Variants in LRRC4C observed in about 807,000 individuals in gnomAD.
The protein encoded by LRRC4C is leucine rich repeat containing 4C, also known as leucine-rich repeat-containing protein 4C.
In LRRC4C, 5 loss-of-function variants were observed where a neutral mutation model predicts 33.6. The observed-to-expected ratio is 0.15, with a 90% CI of 0.08 to 0.31. The LOEUF is 0.31. Among genes scored for constraint, LRRC4C ranks in the 10% least tolerant of loss-of-function variants. LRRC4C has a pLI of 1.00. For missense variants in LRRC4C, 560 were observed against 796.7 expected (o/e 0.70, Z 3.58); for synonymous variants, 329 against 302.0 (o/e 1.09, Z -0.93).
chr11:40,341,712 A>G (rs1334075879), intron 3 of LRRC4C, among the ~76,000 whole-genome samples: 1 of 152,196 alleles, frequency 6.6e-6, no homozygotes, highest in Admixed American at 6.5e-5. Context: ...ATTGATATTA[A>G]TTTCTTTGTC....
intron 1 of LRRC4C, among the ~76,000 whole-genome samples, chr11:41,363,443 C>A (rs1952427478): frequency 6.6e-6 from 1 of 152,204 alleles, no homozygotes; most frequent in African/African-American, 2.4e-5. Flanking sequence ...TATCGCTAAT[C>A]TTCAATTCCA....
chr11:40,298,192 C>A (rs928093216), intron 4 of LRRC4C, among the ~76,000 whole-genome samples: 1 of 152,042 alleles, frequency 6.6e-6, no homozygotes, highest in Non-Finnish European at 1.5e-5. Flanking sequence ...AGAGAAGATG[C>A]CACCAAATAA....
chr11:41,103,797 C>A (rs1468116663), intron 1 of LRRC4C, among the ~76,000 whole-genome samples: 3 of 151,822 alleles, frequency 2.0e-5, no homozygotes, highest in Non-Finnish European at 2.9e-5. Flanking sequence ...AGATCCATGG[C>A]AAAAAATTAA....
rs181461406 is a variant in LRRC4C at position 41,078,227 on chromosome 11, G to T, written c.-495-144504C>A. On this transcript the variant is annotated intron_variant, in intron 1 of 6. Transcript: ENST00000528697. ...TCTGAGGCCTCCAAGTCTCTAGAAA[G>T]TTCTAAACTTTCTGACATTTTCTTG... Among the ~76,000 whole-genome samples, 16 of 152,272 alleles carry T rather than the reference G, an allele frequency of 1.1e-4. 1 individual carries two copies. The highest frequency in any genetic ancestry group is 9.2e-4 in the Admixed American group (14 of 15,294).
At chr11:41,140,928 T>C (rs923457626) in intron 1 of LRRC4C, among the ~76,000 whole-genome samples, 40 of 152,250 alleles carry the variant, frequency 2.6e-4, no homozygotes, top group African/African-American at 8.7e-4. Context: ...AGTTTTTCAT[T>C]TGCTGTCTTC....
At chr11:40,433,601 T>C (rs769995068) in intron 3 of LRRC4C, among the ~76,000 whole-genome samples, 8 of 152,172 alleles carry the variant, frequency 5.3e-5, no homozygotes, top group Non-Finnish European at 8.8e-5. Context: ...AGTGACAAGC[T>C]CCCTGACGAA....
chr11:40,364,663 A>G (rs1948127422), intron 3 of LRRC4C, among the ~76,000 whole-genome samples: 1 of 109,770 alleles, frequency 9.1e-6, no homozygotes, highest in Non-Finnish European at 2.0e-5. Flanking sequence ...ATGACCAAAG[A>G]TTTTCAAAAT....
In LRRC4C at chr11:41,034,831, C is replaced by T. The variant is rs75932753; in HGVS notation, c.-495-101108G>A. Among the ~76,000 whole-genome samples, 1,120 of 149,908 alleles carry T rather than the reference C, an allele frequency of 7.5e-3. 14 individuals are homozygous for T. The highest frequency in any genetic ancestry group is 0.026 in the African/African-American group (1,077 of 41,012). On this transcript the variant is annotated intron_variant, in intron 1 of 6. Transcript: ENST00000528697. ...AAATATTCTAATATTAATTACATTG[C>T]CTGAGAACAAGTATATCCAAAATTT...
chr11:41,418,139 A>G (rs1431581050), intron 1 of LRRC4C, among the ~76,000 whole-genome samples: 1 of 151,884 alleles, frequency 6.6e-6, no homozygotes, highest in Non-Finnish European at 1.5e-5. Context: ...AAAATGTAAT[A>G]CTGCCACTTT....
chr11:40,584,895 A>G (rs1310511041), intron 3 of LRRC4C, among the ~76,000 whole-genome samples: 1 of 151,272 alleles, frequency 6.6e-6, no homozygotes, highest in Non-Finnish European at 1.5e-5. Context: ...TCATGCCACC[A>G]CATTCCAAAT....
intron 1 of LRRC4C, among the ~76,000 whole-genome samples, chr11:41,424,822 A>G (rs1477322370): frequency 6.6e-6 from 1 of 152,110 alleles, no homozygotes; most frequent in African/African-American, 2.4e-5. Context: ...ATGCTTCCCC[A>G]AGGAATATAG....
At chr11:41,008,028 C>T (rs1383324188) in intron 1 of LRRC4C, among the ~76,000 whole-genome samples, 1 of 152,186 alleles carries the variant, frequency 6.6e-6, no homozygotes, top group East Asian at 1.9e-4. Flanking sequence ...CTTTCGTATT[C>T]CAATATTCCA....
At chr11:41,233,203 T>G (rs946413934) in intron 1 of LRRC4C, among the ~76,000 whole-genome samples, 1 of 151,922 alleles carries the variant, frequency 6.6e-6, no homozygotes, top group Non-Finnish European at 1.5e-5. Flanking sequence ...TGTGTGCAAA[T>G]AAGCTAAAGA....
intron 5 of LRRC4C, among the ~76,000 whole-genome samples, chr11:40,148,068 G>T (rs1857892522): frequency 6.6e-6 from 1 of 152,048 alleles, no homozygotes; most frequent in Non-Finnish European, 1.5e-5. Flanking sequence ...TACTATGGCT[G>T]CATAGTATTC....
chr11:40,354,827 C>A (rs1004198939), intron 3 of LRRC4C, among the ~76,000 whole-genome samples: 11 of 152,028 alleles, frequency 7.2e-5, no homozygotes, highest in Non-Finnish European at 1.5e-4. Context: ...AGTGCTCTAC[C>A]CTACTGTGGC....
At chr11:40,886,776 A>G (rs1476504572) in intron 2 of LRRC4C, among the ~76,000 whole-genome samples, 5 of 151,898 alleles carry the variant, frequency 3.3e-5, no homozygotes, top group Non-Finnish European at 1.5e-5. Context: ...ACAAAAGTCT[A>G]CATAAATTAG....
At chr11:40,215,657 A>C (rs969780647) in intron 5 of LRRC4C, among the ~76,000 whole-genome samples, 1 of 152,198 alleles carries the variant, frequency 6.6e-6, no homozygotes, top group Admixed American at 6.5e-5. Context: ...GTACAAAAAC[A>C]GGCAGGAAAC....
intron 3 of LRRC4C, among the ~76,000 whole-genome samples, chr11:40,645,426 T>C (rs1447673987): frequency 6.6e-6 from 1 of 152,162 alleles, no homozygotes; most frequent in Non-Finnish European, 1.5e-5. Flanking sequence ...GCAAAGCATA[T>C]ATTTTCCTTT....
At chr11:41,437,472 C>G (rs1360588300) in intron 1 of LRRC4C, among the ~76,000 whole-genome samples, 1 of 151,588 alleles carries the variant, frequency 6.6e-6, no homozygotes, top group Non-Finnish European at 1.5e-5. Flanking sequence ...TCCTCTAAAC[C>G]AAGGATTTAA....
Sources: gnomAD v4.1 joint callset for allele counts (sites outside exome capture counted in the v4.1 genomes callset) on GRCh38, gnomAD v4.1.1 for gene constraint, MANE v1.5 for transcripts, NCBI Gene and HGNC (gene_info 2026-07-23, HGNC 2026-07-21) for gene names.